The following TMEM156 variants were observed in gnomAD, a reference collection of about 807,000 sequenced individuals.
TMEM156 encodes the protein transmembrane protein 156.
Under a neutral mutation model 30.5 loss-of-function variants are expected in TMEM156, and 28 were observed. That is an observed-to-expected ratio of 0.92 (90% CI 0.68 to 1.26). The LOEUF is 1.26. Among genes scored for constraint, TMEM156 ranks in the 50% most tolerant of loss-of-function variants. The pLI, the probability that TMEM156 is intolerant of heterozygous loss-of-function variation, is 0.00. For missense variants in TMEM156, 351 were observed against 340.6 expected (o/e 1.03, Z -0.24); for synonymous variants, 137 against 119.9 (o/e 1.14, Z -0.93).
At chr4:39,006,703 G>GT (rs1490283654) in intron 1 of TMEM156, among the ~76,000 whole-genome samples, 1 of 152,046 alleles carries the variant, frequency 6.6e-6, no homozygotes, top group Non-Finnish European at 1.5e-5. Context: ...GGTCACTTGA[G>GT]TCCAGGAGCT....
intron 1 of TMEM156, among the ~76,000 whole-genome samples, chr4:39,020,898 A>G (rs1158047321): frequency 1.3e-5 from 2 of 152,180 alleles, no homozygotes; most frequent in African/African-American, 4.8e-5. Flanking sequence ...TAATGGCTGT[A>G]CTATTTTACA....
chr4:39,001,891 A>G (rs1373068702), intron 1 of TMEM156, among the ~76,000 whole-genome samples: 1 of 146,726 alleles, frequency 6.8e-6, no homozygotes, highest in Non-Finnish European at 1.5e-5. Context: ...TTCAAGATGG[A>G]TTAAAGATTT....
chr4:39,007,430 T>A (rs1243047962), intron 1 of TMEM156, among the ~76,000 whole-genome samples: 1 of 151,614 alleles, frequency 6.6e-6, no homozygotes, highest in Non-Finnish European at 1.5e-5. Context: ...TTTATTTATG[T>A]ATTTATTTAT....
At chr4:39,000,106 A>C (rs1056431628) in intron 1 of TMEM156, among the ~76,000 whole-genome samples, 1 of 152,078 alleles carries the variant, frequency 6.6e-6, no homozygotes, top group Non-Finnish European at 1.5e-5. Flanking sequence ...AAAGACAAAC[A>C]CTCTAGGCTG....
chr4:39,006,428 C>A (rs148693748), intron 1 of TMEM156, among the ~76,000 whole-genome samples: 1 of 152,128 alleles, frequency 6.6e-6, no homozygotes, highest in Non-Finnish European at 1.5e-5. Context: ...GATATCTTCT[C>A]ACAGTACCTT....
intron 1 of TMEM156, among the ~76,000 whole-genome samples, chr4:39,001,405 A>G (rs1040872079): frequency 6.6e-6 from 1 of 151,392 alleles, no homozygotes; most frequent in Non-Finnish European, 1.5e-5. Flanking sequence ...AGAAAAAAAA[A>G]AAAGAAAGAA....
chr4:39,031,547 A>G (rs1253590837), intron 1 of TMEM156, among the ~76,000 whole-genome samples: 1 of 152,226 alleles, frequency 6.6e-6, no homozygotes, highest in Non-Finnish European at 1.5e-5. Flanking sequence ...CACAATAAAT[A>G]TCACTTTCTT....
At chr4:38,978,338 T>C (rs1051308830) in intron 5 of TMEM156, among the ~76,000 whole-genome samples, 2 of 152,200 alleles carry the variant, frequency 1.3e-5, no homozygotes, top group Non-Finnish European at 2.9e-5. Context: ...GCCCTCCACG[T>C]CCCAAATAGA....
chr4:39,032,133 T>A, intron 1 of TMEM156, 93 bp downstream of exon 1: 2 of 754,988 alleles, frequency 2.6e-6, no homozygotes, highest in Middle Eastern at 3.8e-4. Context: ...CTATGCAGCA[T>A]GTGTCCAAAA....
At chr4:39,030,578 C>T (rs1344429010) in intron 1 of TMEM156, among the ~76,000 whole-genome samples, 1 of 152,168 alleles carries the variant, frequency 6.6e-6, no homozygotes, top group Non-Finnish European at 1.5e-5. Context: ...AAAAGAACTA[C>T]ATGTCTGCCC....
chr4:38,993,521 A>C lies in TMEM156; in HGVS notation c.619+217T>G, dbSNP rs758228318. ...AGTGCTCCTCAAATCGTGACCCATA[A>C]ATGCCTCCTCTTTCTCAGGTTACAG... On this transcript the variant is annotated intron_variant, in intron 3 of 6. Coordinates refer to ENST00000381938, the MANE Select transcript of TMEM156 (RefSeq NM_024943.3). 2.6e-4 allele frequency among the ~76,000 whole-genome samples: 40 copies of C among 152,244 alleles called. No homozygotes were observed. The Middle Eastern group carries it at 0.014, about 52-fold the overall frequency.
At chr4:38,984,853 G>C (rs1404500806) in intron 5 of TMEM156, among the ~76,000 whole-genome samples, 1 of 152,178 alleles carries the variant, frequency 6.6e-6, no homozygotes, top group Non-Finnish European at 1.5e-5. Context: ...AGGATTTTTA[G>C]TGAGAGCTAT....
At chr4:38,977,284 GTTCTT>G (rs2109876584) in intron 5 of TMEM156, among the ~76,000 whole-genome samples, 1 of 152,252 alleles carries the variant, frequency 6.6e-6, no homozygotes, top group Non-Finnish European at 1.5e-5. Flanking sequence ...AATTAACAGA[GTTCTT>G]TTCGTTGAAA....
chr4:39,019,286 C>A (rs1321990875), intron 1 of TMEM156, among the ~76,000 whole-genome samples: 3 of 152,162 alleles, frequency 2.0e-5, no homozygotes, highest in Non-Finnish European at 4.4e-5. Context: ...TAGGTAATTT[C>A]TTTAGATCTC....
Position 39,032,359 on chromosome 4 carries a change from G to T in TMEM156, c.-46C>A. The T allele has an allele frequency of 8.3e-7, 1 of 1,201,200 alleles. No homozygotes were observed. Among genetic ancestry groups the T allele is most frequent in the Non-Finnish European group, 1.2e-6 (1 of 819,124 alleles). 74.4% of individuals were successfully genotyped at this position (1,201,200 alleles called of 1,614,324 possible). ...TGTGTTCCCTTGCAGTACATTCATG[G>T]TATGTTGCTTCCTGCTTTAAGTTTA... On this transcript the variant is annotated 5_prime_UTR_variant, in exon 1 of 7. Coordinates refer to ENST00000381938, the MANE Select transcript of TMEM156 (RefSeq NM_024943.3).
chr4:38,985,616 A>G (rs62294536), intron 5 of TMEM156, among the ~76,000 whole-genome samples: 6,683 of 152,288 alleles, frequency 0.044, 201 homozygotes, highest in Non-Finnish European at 0.063. Context: ...CTTCTCACAA[A>G]GTACGAAGGC....
intron 6 of TMEM156, among the ~76,000 whole-genome samples, chr4:38,969,427 C>T (rs568050047): frequency 6.6e-6 from 1 of 152,270 alleles, no homozygotes; most frequent in South Asian, 2.1e-4. Context: ...TTTTTTATGG[C>T]AAATATTTCA....
chr4:38,993,426 T>C lies in TMEM156; in HGVS notation c.619+312A>G, dbSNP rs1446653677. Among the ~76,000 whole-genome samples, 3 of 151,336 alleles carry C rather than the reference T, an allele frequency of 2.0e-5. No individual in the cohort carries two copies. The South Asian group carries it at 6.3e-4, about 32-fold the overall frequency. ...CAGCCTGGGCAACAGAGTGAGACCCTGTCTCAAACAACCACCACCACCCCA... is the reference window on the plus strand; with the variant it reads ...CAGCCTGGGCAACAGAGTGAGACCCCGTCTCAAACAACCACCACCACCCCA... On this transcript the variant is annotated intron_variant, in intron 3 of 6. Coordinates refer to ENST00000381938, the MANE Select transcript of TMEM156 (RefSeq NM_024943.3).
chr4:38,966,806 T>A lies in TMEM156; in HGVS notation c.*874A>T, dbSNP rs1722366793. ...CGTTTTATTGGTATCTTTGATTTTT[T>A]TTTTTTTTTTTTTTTGAGACAGAGT... On this transcript the variant is annotated 3_prime_UTR_variant, in exon 7 of 7. Coordinates refer to ENST00000381938, the MANE Select transcript of TMEM156 (RefSeq NM_024943.3). The A allele has an allele frequency of 6.9e-6, 1 of 144,892 alleles. No individual in the cohort carries two copies. The highest frequency in any genetic ancestry group is 6.7e-5 in the Admixed American group (1 of 14,854). 9.0% of individuals were successfully genotyped at this position (144,892 alleles called of 1,614,324 possible).
Sources: allele counts gnomAD v4.1 joint callset (sites outside exome capture counted in the v4.1 genomes callset), GRCh38; gene constraint gnomAD v4.1.1; transcripts MANE v1.5; gene names NCBI Gene and HGNC (gene_info 2026-07-23, HGNC 2026-07-21).